The following ACOXL variants were observed in gnomAD, a reference collection of about 807,000 sequenced individuals.
ACOXL encodes acyl-CoA oxidase like, also known as acyl-coenzyme A oxidase-like protein.
In ACOXL, 70 loss-of-function variants were observed where a neutral mutation model predicts 71.9. That is an observed-to-expected ratio of 0.97 (90% CI 0.80 to 1.19). The LOEUF (loss-of-function observed/expected upper bound fraction) is 1.19, where lower values mean the gene tolerates loss of function less well. Ranked by LOEUF, ACOXL falls within the 50% of genes most tolerant of loss-of-function variation. The pLI is 0.00. For synonymous variants in ACOXL, 253 were observed against 281.6 expected (o/e 0.90, Z 1.02); for missense variants, 703 against 736.3 (o/e 0.95, Z 0.52).
At chr2:111,032,481 G>A (rs1558891722) in intron 15 of ACOXL, among the ~76,000 whole-genome samples, 3 of 152,146 alleles carry the variant, frequency 2.0e-5, no homozygotes, top group South Asian at 2.1e-4. Flanking sequence ...GATCCATGAC[G>A]GCTTATCATT....
At chr2:111,056,581 G>A (rs1200115940) in intron 16 of ACOXL, among the ~76,000 whole-genome samples, 3 of 152,024 alleles carry the variant, frequency 2.0e-5, no homozygotes, top group Non-Finnish European at 4.4e-5. Flanking sequence ...GAGGTCAGGA[G>A]ATAGAGACCA....
chr2:110,835,655 C>G (rs1328494550), intron 9 of ACOXL, among the ~76,000 whole-genome samples: 7 of 152,180 alleles, frequency 4.6e-5, no homozygotes, highest in African/African-American at 1.7e-4. Context: ...ATTAAGAGGA[C>G]ATAAAATGTG....
chr2:111,089,415 A>G (rs966357253), intron 16 of ACOXL, among the ~76,000 whole-genome samples: 1 of 152,250 alleles, frequency 6.6e-6, no homozygotes. Flanking sequence ...TCCATTAAAT[A>G]AGTTTCCAGA....
At chr2:110,880,335 A>G (rs914545676) in intron 10 of ACOXL, among the ~76,000 whole-genome samples, 5 of 152,104 alleles carry the variant, frequency 3.3e-5, no homozygotes, top group African/African-American at 9.7e-5. Context: ...CTCACCTACA[A>G]TGCATTTAAT....
At chr2:111,060,098 T>C (rs2066734748) in intron 16 of ACOXL, among the ~76,000 whole-genome samples, 2 of 152,212 alleles carry the variant, frequency 1.3e-5, no homozygotes, top group East Asian at 1.9e-4. Context: ...CTCACCACTA[T>C]GGTTGTCAGA....
chr2:110,774,501 A>G (rs1157572421), intron 2 of ACOXL, among the ~76,000 whole-genome samples: 1 of 152,238 alleles, frequency 6.6e-6, no homozygotes, highest in Non-Finnish European at 1.5e-5. Flanking sequence ...ATCAACATGT[A>G]GAAGTCAGTT....
intron 16 of ACOXL, among the ~76,000 whole-genome samples, chr2:111,080,628 T>G (rs988626387): frequency 4.6e-5 from 7 of 152,174 alleles, no homozygotes; most frequent in African/African-American, 1.4e-4. Context: ...CTGAAACTAT[T>G]CGGAATAGTA....
Position 110,819,000 on chromosome 2 carries a change from T to C in ACOXL, c.753+13605T>C. On this transcript the variant is annotated intron_variant, in intron 9 of 17. Transcript: ENST00000439055. ...TAGTTCTATTCAGCACCTAAGGTAC[T>C]GTCCGTTTCTGGGCTTCATTTTAAA... Among the ~76,000 whole-genome samples, 2 of 144,224 alleles carry C rather than the reference T, an allele frequency of 1.4e-5. 1 individual carries two copies. Among genetic ancestry groups the C allele is most frequent in the Non-Finnish European group, 3.1e-5 (2 of 64,324 alleles). The allele number at this position is 144,224 out of a possible 152,430, so 94.6% of individuals were successfully genotyped here.
intron 14 of ACOXL, among the ~76,000 whole-genome samples, chr2:111,023,986 C>T (rs1302401982): frequency 6.6e-6 from 1 of 152,138 alleles, no homozygotes; most frequent in African/African-American, 2.4e-5. Flanking sequence ...GGCACCCTGG[C>T]CTCCTGTTGA....
At chr2:110,791,784 C>G (rs1447040800) in intron 3 of ACOXL, among the ~76,000 whole-genome samples, 2 of 152,170 alleles carry the variant, frequency 1.3e-5, no homozygotes, top group African/African-American at 2.4e-5. Context: ...TGTTCATACA[C>G]GTGGGGTATG....
At chr2:110,868,140 G>GT (rs1342675444) in intron 10 of ACOXL, among the ~76,000 whole-genome samples, 3 of 152,208 alleles carry the variant, frequency 2.0e-5, no homozygotes, top group African/African-American at 7.2e-5. Flanking sequence ...ACATTTTTGT[G>GT]TAACGAATTT....
At chr2:110,869,865 C>T (rs1695055393) in intron 10 of ACOXL, among the ~76,000 whole-genome samples, 1 of 152,250 alleles carries the variant, frequency 6.6e-6, no homozygotes, top group Non-Finnish European at 1.5e-5. Flanking sequence ...AACCTAGCCA[C>T]TGCCAGCCCC....
chr2:110,748,276 A>C (rs1678487772), intron 1 of ACOXL, among the ~76,000 whole-genome samples: 1 of 152,168 alleles, frequency 6.6e-6, no homozygotes, highest in African/African-American at 2.4e-5. Context: ...CAAGGAAACA[A>C]GGAAAGATGG....
At chr2:110,997,718 T>C (rs576485260) in intron 14 of ACOXL, among the ~76,000 whole-genome samples, 1 of 152,296 alleles carries the variant, frequency 6.6e-6, no homozygotes, top group African/African-American at 2.4e-5. Flanking sequence ...TATAAAAAGA[T>C]TGGCGGTCCC....
intron 13 of ACOXL, among the ~76,000 whole-genome samples, 173 bp from the exon 14 acceptor site, chr2:110,995,720 C>T (rs981707601): frequency 3.3e-5 from 5 of 151,356 alleles, no homozygotes; most frequent in African/African-American, 4.9e-5. Flanking sequence ...CTAAGATTAC[C>T]GAAAAGAATT....
At chr2:110,874,922 C>T (rs993268219) in intron 10 of ACOXL, among the ~76,000 whole-genome samples, 22 of 152,136 alleles carry the variant, frequency 1.4e-4, no homozygotes, top group Non-Finnish European at 1.3e-4. Context: ...GGGAGGTCGC[C>T]GAGGTCTCTC....
intron 5 of ACOXL, among the ~76,000 whole-genome samples, chr2:110,796,398 A>G (rs1451199872): frequency 2.0e-5 from 3 of 152,250 alleles, no homozygotes; most frequent in Non-Finnish European, 2.9e-5. Context: ...CAAACAAATA[A>G]TGATTACAGA....
At chr2:111,057,542 G>A (rs2149865265) in intron 16 of ACOXL, among the ~76,000 whole-genome samples, 1 of 152,312 alleles carries the variant, frequency 6.6e-6, no homozygotes, top group East Asian at 1.9e-4. Context: ...CTGAAAGCAT[G>A]GTGTCCAGGC....
intron 16 of ACOXL, among the ~76,000 whole-genome samples, chr2:111,070,757 C>T (rs529077045): frequency 2.6e-5 from 4 of 152,172 alleles, no homozygotes; most frequent in Admixed American, 6.5e-5. Context: ...TTTCATTTCC[C>T]GCCAGTTGAA....
Sources: gnomAD v4.1 joint callset for allele counts (sites outside exome capture counted in the v4.1 genomes callset) on GRCh38, gnomAD v4.1.1 for gene constraint, MANE v1.5 for transcripts, NCBI Gene and HGNC (gene_info 2026-07-23, HGNC 2026-07-21) for gene names.